ANKS1B: variants seen among roughly 807,000 people sequenced by gnomAD.
ANKS1B encodes the protein ankyrin repeat and sterile alpha motif domain containing 1B.
A neutral mutation model predicts 148.3 loss-of-function variants in ANKS1B; 36 were observed. The ratio of observed to expected loss-of-function variants is 0.24; its 90% CI spans 0.19 to 0.32. The LOEUF (loss-of-function observed/expected upper bound fraction) is 0.32. Among genes scored for constraint, ANKS1B ranks in the 10% least tolerant of loss-of-function variants. ANKS1B has a pLI of 1.00. For synonymous variants in ANKS1B, 542 were observed against 560.8 expected (o/e 0.97, Z 0.47); for missense variants, 1,157 against 1,542.6 (o/e 0.75, Z 4.19).
chr12:99,269,732 G>A (rs910551251), intron 12 of ANKS1B, among the ~76,000 whole-genome samples: 8 of 152,052 alleles, frequency 5.3e-5, no homozygotes, highest in Non-Finnish European at 1.2e-4. Flanking sequence ...CTAATTTTTT[G>A]TATTTTTTAG....
chr12:99,629,235 A>T (rs947005196), intron 9 of ANKS1B, among the ~76,000 whole-genome samples: 12 of 152,318 alleles, frequency 7.9e-5, no homozygotes, highest in African/African-American at 2.6e-4. Context: ...TTAAGAGCTT[A>T]TAAGGGCAGG....
chr12:99,237,781 T>C (rs1049717934), intron 14 of ANKS1B, among the ~76,000 whole-genome samples: 2 of 152,192 alleles, frequency 1.3e-5, no homozygotes, highest in East Asian at 3.9e-4. Context: ...TGCATGTGTG[T>C]CTATATATAT....
chr12:99,310,542 C>A (rs993836986), intron 12 of ANKS1B, among the ~76,000 whole-genome samples: 1 of 152,128 alleles, frequency 6.6e-6, no homozygotes, highest in Non-Finnish European at 1.5e-5. Flanking sequence ...GAGACATTAG[C>A]TCTTTTCCTG....
intron 25 of ANKS1B, among the ~76,000 whole-genome samples, chr12:98,764,796 C>T (rs1211413160): frequency 2.6e-5 from 4 of 152,200 alleles, no homozygotes; most frequent in Admixed American, 1.3e-4. Flanking sequence ...CAGCTTCCAA[C>T]CTGCGCGTCC....
At chr12:99,868,965 G>T (rs895939684) in intron 1 of ANKS1B, among the ~76,000 whole-genome samples, 2 of 152,182 alleles carry the variant, frequency 1.3e-5, no homozygotes, top group Non-Finnish European at 2.9e-5. Flanking sequence ...GCTAAGGCAT[G>T]AGAATAGCTT....
At chr12:99,968,871 T>G (rs2095523472) in intron 1 of ANKS1B, among the ~76,000 whole-genome samples, 1 of 152,142 alleles carries the variant, frequency 6.6e-6, no homozygotes, top group Non-Finnish European at 1.5e-5. Context: ...CTCTTGCCCC[T>G]GGTCTCACCA....
At chr12:99,576,173 A>T (rs1215564268) in intron 9 of ANKS1B, among the ~76,000 whole-genome samples, 1 of 152,126 alleles carries the variant, frequency 6.6e-6, no homozygotes, top group Non-Finnish European at 1.5e-5. Context: ...ATAATGAGAA[A>T]GGGTTCAATT....
At chr12:98,955,450 A>G (rs2099860621) in intron 17 of ANKS1B, among the ~76,000 whole-genome samples, 1 of 152,156 alleles carries the variant, frequency 6.6e-6, no homozygotes, top group African/African-American at 2.4e-5. Context: ...TTACATCTCA[A>G]TAGGATCTCT....
chr12:98,900,056 G>A (rs1037323745), intron 17 of ANKS1B, among the ~76,000 whole-genome samples: 1 of 152,188 alleles, frequency 6.6e-6, no homozygotes, highest in Admixed American at 6.5e-5. Flanking sequence ...TGCAAATTCA[G>A]TATGAGGCCA....
intron 4 of ANKS1B, among the ~76,000 whole-genome samples, chr12:99,791,934 T>TA: frequency 6.7e-6 from 1 of 149,666 alleles, no homozygotes; most frequent in Non-Finnish European, 1.5e-5. Context: ...TTGAAATGAT[T>TA]AAAAAAAGAC....
chr12:99,196,209 A>C (rs927467237), intron 14 of ANKS1B, among the ~76,000 whole-genome samples: 3 of 152,202 alleles, frequency 2.0e-5, no homozygotes, highest in Non-Finnish European at 4.4e-5. Flanking sequence ...GCATAACAAT[A>C]AAAATATTAT....
intron 15 of ANKS1B, among the ~76,000 whole-genome samples, chr12:99,126,267 G>C (rs1313424446): frequency 1.3e-5 from 2 of 152,118 alleles, no homozygotes; most frequent in Admixed American, 6.6e-5. Flanking sequence ...GTCATACAGT[G>C]CTTTTCAATT....
chr12:99,097,769 C>T (rs147786288), intron 15 of ANKS1B, among the ~76,000 whole-genome samples: 7 of 152,154 alleles, frequency 4.6e-5, no homozygotes, highest in African/African-American at 1.2e-4. Context: ...AATTTAACTC[C>T]CTTAGGTCTT....
At chr12:99,697,878 A>G (rs2054174430) in intron 8 of ANKS1B, among the ~76,000 whole-genome samples, 2 of 152,170 alleles carry the variant, frequency 1.3e-5, no homozygotes, top group African/African-American at 2.4e-5. Flanking sequence ...ACTTTTCTGT[A>G]AACCTAAATT....
intron 9 of ANKS1B, among the ~76,000 whole-genome samples, chr12:99,556,190 T>C (rs2097274242): frequency 6.6e-6 from 1 of 152,208 alleles, no homozygotes; most frequent in Non-Finnish European, 1.5e-5. Context: ...TTTATCCATT[T>C]CTTCCAGGTG....
chr12:98,838,000 C>A (rs2099384861), intron 17 of ANKS1B, among the ~76,000 whole-genome samples: 2 of 152,120 alleles, frequency 1.3e-5, no homozygotes, highest in South Asian at 4.1e-4. Context: ...ATTTCTCCCC[C>A]ATGATTATGT....
At chr12:99,335,333 T>C (rs550101230) in intron 12 of ANKS1B, among the ~76,000 whole-genome samples, 1 of 152,162 alleles carries the variant, frequency 6.6e-6, no homozygotes, top group African/African-American at 2.4e-5. Context: ...TCTCAAGCAT[T>C]TATTATTTCT....
At chr12:99,269,169 T>C (rs2076763005) in intron 12 of ANKS1B, among the ~76,000 whole-genome samples, 1 of 152,190 alleles carries the variant, frequency 6.6e-6, no homozygotes, top group African/African-American at 2.4e-5. Flanking sequence ...CCTTTGCAAT[T>C]TGAAGTTAAG....
intron 14 of ANKS1B, among the ~76,000 whole-genome samples, chr12:99,243,689 A>G (rs1477166154): frequency 6.6e-6 from 1 of 152,238 alleles, no homozygotes; most frequent in South Asian, 2.1e-4. Flanking sequence ...ATGGAATACT[A>G]TGCAGCCATT....
Sources: gnomAD v4.1 joint callset for allele counts (sites outside exome capture counted in the v4.1 genomes callset) on GRCh38, gnomAD v4.1.1 for gene constraint, MANE v1.5 for transcripts, NCBI Gene and HGNC (gene_info 2026-07-23, HGNC 2026-07-21) for gene names.